UNC79: variants seen among roughly 807,000 people sequenced by gnomAD.
The protein encoded by UNC79 is unc-79 subunit of NALCN channel complex.
A neutral mutation model predicts 283.1 loss-of-function variants in UNC79; 37 were observed. The observed-to-expected ratio is 0.13, with a 90% CI of 0.10 to 0.17. UNC79 has a LOEUF of 0.17. Among genes scored for constraint, UNC79 ranks in the 10% least tolerant of loss-of-function variants. The pLI is 1.00. For missense variants in UNC79, 2,272 were observed against 3,211.1 expected (o/e 0.71, Z 7.07); for synonymous variants, 1,107 against 1,200.2 (o/e 0.92, Z 1.61).
intron 7 of UNC79, among the ~76,000 whole-genome samples, chr14:93,520,440 G>T (rs1339621897): frequency 2.0e-5 from 3 of 151,760 alleles, no homozygotes; most frequent in African/African-American, 7.3e-5. Flanking sequence ...TTTGGGGGTT[G>T]TTTTCATCAG....
At chr14:93,598,365 C>CGTGT (rs71301930) in intron 24 of UNC79, among the ~76,000 whole-genome samples, 1,664 of 64,024 alleles carry the variant, frequency 0.026, 20 homozygotes, top group African/African-American at 0.037. Flanking sequence ...TATTGCATAA[C>CGTGT]GTGTGTGTGT....
At chr14:93,697,334 C>T (rs577203034) in intron 47 of UNC79, among the ~76,000 whole-genome samples, 3 of 152,194 alleles carry the variant, frequency 2.0e-5, no homozygotes, top group Admixed American at 2.0e-4. Flanking sequence ...CAGGGTTTCA[C>T]TATGTTGGCC....
intron 1 of UNC79, among the ~76,000 whole-genome samples, chr14:93,349,971 G>C (rs915540068): frequency 5.3e-5 from 8 of 152,154 alleles, no homozygotes; most frequent in Admixed American, 3.3e-4. Context: ...TAGGATAAAT[G>C]CTTCCAGGTA....
At chr14:93,476,377 G>A (rs1427404793) in intron 3 of UNC79, among the ~76,000 whole-genome samples, 1 of 152,126 alleles carries the variant, frequency 6.6e-6, no homozygotes, top group African/African-American at 2.4e-5. Context: ...TCTGTAATTA[G>A]GCTAAAAGGC....
rs796162173 is a variant in UNC79 at position 93,638,475 on chromosome 14, T to C, written c.5800+1176T>C. Among the ~76,000 whole-genome samples the C allele has an allele frequency of 5.9e-5, 9 of 152,308 alleles. 1 individual carries two copies. Among genetic ancestry groups the C allele is most frequent in the African/African-American group, 2.2e-4 (9 of 41,564 alleles). ...CACTAAGATGGAAAGTCAGTCTCTTTCATGGTAAACTCAAGAGCCCATCAG... is the reference window on the plus strand; with the variant it reads ...CACTAAGATGGAAAGTCAGTCTCTTCCATGGTAAACTCAAGAGCCCATCAG... On this transcript the variant is annotated intron_variant, in intron 32 of 48. Transcript: ENST00000555664.
At chr14:93,431,102 T>G in intron 1 of UNC79, 51 bp downstream of exon 1, 4 of 652,138 alleles carry the variant, frequency 6.1e-6, no homozygotes, top group East Asian at 3.0e-5. Flanking sequence ...TGGGAGCTAT[T>G]GCAGCTGCGG....
At chr14:93,402,300 GAAAAGA>G (rs2055126910) in intron 1 of UNC79, among the ~76,000 whole-genome samples, 1 of 115,700 alleles carries the variant, frequency 8.6e-6, no homozygotes, top group African/African-American at 3.2e-5. Context: ...AAAAAGAAAA[GAAAAGA>G]AAAAAAAAAC....
intron 5 of UNC79, among the ~76,000 whole-genome samples, chr14:93,491,755 A>G (rs2058735795): frequency 6.6e-6 from 1 of 152,178 alleles, no homozygotes; most frequent in Non-Finnish European, 1.5e-5. Flanking sequence ...TTGAATGTTG[A>G]GTTGAATGTT....
At chr14:93,691,443 T>C (rs2074693283) in intron 45 of UNC79, 1 of 492,250 alleles carries the variant, frequency 2.0e-6, no homozygotes, top group African/African-American at 1.9e-5. Flanking sequence ...TTCTCCCTAA[T>C]CTAGTTTAGG....
At chr14:93,668,689 C>T (rs1014634740) in intron 40 of UNC79, among the ~76,000 whole-genome samples, 2 of 151,192 alleles carry the variant, frequency 1.3e-5, no homozygotes, top group African/African-American at 4.9e-5. Flanking sequence ...TACCAAAATA[C>T]AAAAATTTCG....
At chr14:93,564,209 C>A (rs563620525) in intron 14 of UNC79, among the ~76,000 whole-genome samples, 1 of 152,068 alleles carries the variant, frequency 6.6e-6, no homozygotes, top group African/African-American at 2.4e-5. Context: ...CTTCAAGCAA[C>A]GGAAAGAGGA....
chr14:93,484,380 A>G (rs1370856205), intron 4 of UNC79, among the ~76,000 whole-genome samples: 2 of 152,242 alleles, frequency 1.3e-5, no homozygotes, highest in African/African-American at 2.4e-5. Context: ...CTGTCATGCA[A>G]ATAACTTGAT....
chr14:93,589,729 AG>A (rs2064515679), intron 22 of UNC79, among the ~76,000 whole-genome samples: 2 of 152,152 alleles, frequency 1.3e-5, no homozygotes, highest in Admixed American at 1.3e-4. Context: ...GGCCTGGTGA[AG>A]ATGGGAGTCC....
intron 41 of UNC79, among the ~76,000 whole-genome samples, chr14:93,681,684 G>T (rs992438949): frequency 1.3e-5 from 2 of 152,216 alleles, no homozygotes; most frequent in African/African-American, 4.8e-5. Flanking sequence ...TCCCAAAGTT[G>T]TTAAGGCTAC....
intron 1 of UNC79, among the ~76,000 whole-genome samples, chr14:93,445,615 T>A (rs1019644738): frequency 6.6e-6 from 1 of 152,222 alleles, no homozygotes; most frequent in African/African-American, 2.4e-5. Flanking sequence ...AGGATAAAAT[T>A]GGCTTCATAA....
At chr14:93,695,905 A>AAAAAAAAAAAAAAAAAAAAAAAAAAAAAC (rs2075079857) in intron 47 of UNC79, among the ~76,000 whole-genome samples, 2 of 149,152 alleles carry the variant, frequency 1.3e-5, no homozygotes, top group East Asian at 1.9e-4. Context: ...AAAAAAAAAA[A>AAAAAAAAAAAAAAAAAAAAAAAAAAAAAC]AAAAAGCAAA....
chr14:93,535,596 T>C (rs1173254841), intron 11 of UNC79, among the ~76,000 whole-genome samples: 1 of 152,182 alleles, frequency 6.6e-6, no homozygotes, highest in East Asian at 1.9e-4. Flanking sequence ...ACTTGAATGC[T>C]GAGGGTTTTA....
chr14:93,625,663 T>A (rs1405536188), intron 30 of UNC79, among the ~76,000 whole-genome samples: 2 of 137,450 alleles, frequency 1.5e-5, no homozygotes, highest in Non-Finnish European at 3.1e-5. Flanking sequence ...GATCCAAGTA[T>A]TTTTTTGCTG....
chr14:93,395,086 A>G (rs189079505), intron 1 of UNC79, among the ~76,000 whole-genome samples: 38 of 152,234 alleles, frequency 2.5e-4, no homozygotes, highest in Admixed American at 5.2e-4. Flanking sequence ...ATATTTATCT[A>G]TGTAATTACC....
Sources: gnomAD v4.1 joint callset for allele counts (sites outside exome capture counted in the v4.1 genomes callset) on GRCh38, gnomAD v4.1.1 for gene constraint, MANE v1.5 for transcripts, NCBI Gene and HGNC (gene_info 2026-07-23, HGNC 2026-07-21) for gene names.